Variants in CAGE1 observed in about 807,000 individuals in gnomAD.
CAGE1 encodes the protein cancer-associated gene 1 protein.
CAGE1 carries 66 observed loss-of-function variants against 94.9 expected under a neutral mutation model. The ratio of observed to expected loss-of-function variants is 0.70; its 90% CI spans 0.57 to 0.85. CAGE1 has a LOEUF of 0.85. Among genes scored for constraint, CAGE1 ranks in the 40% least tolerant of loss-of-function variants. The probability of loss-of-function intolerance (pLI) is 0.00; values close to 1 mark genes in which losing one functional copy is unlikely to be tolerated. For synonymous variants in CAGE1, 319 were observed against 321.0 expected (o/e 0.99, Z 0.07); for missense variants, 865 against 950.4 (o/e 0.91, Z 1.18).
chr6:7,335,981 G>A (rs1758940709), intron 11 of CAGE1, among the ~76,000 whole-genome samples: 1 of 152,132 alleles, frequency 6.6e-6, no homozygotes, highest in African/African-American at 2.4e-5. Flanking sequence ...AATATTATAT[G>A]GACAAAACAC....
Position 7,326,833 on chromosome 6 carries a change from A to G in CAGE1, c.*25T>C. Reference sequence around the variant, plus strand: ...CTTCCTGGAGTGGTTGACAAAAATGATTACTGTTTAATCTTCAGGCTTGTT... The same window carrying G: ...CTTCCTGGAGTGGTTGACAAAAATGGTTACTGTTTAATCTTCAGGCTTGTT... On this transcript the variant is annotated 3_prime_UTR_variant, in exon 14 of 14. Coordinates refer to ENST00000502583, the MANE Select transcript of CAGE1 (RefSeq NM_001170692.2). 1 of 1,518,664 alleles carries G rather than the reference A, an allele frequency of 6.6e-7. No individual in the cohort carries two copies. Among genetic ancestry groups the G allele is most frequent in the Non-Finnish European group, 9.1e-7 (1 of 1,093,602 alleles). The allele number at this position is 1,518,664 out of a possible 1,614,324, so 94.1% of individuals were successfully genotyped here. A position where few individuals can be genotyped will look rare whatever the true frequency, so the allele number is the denominator to read the frequency against.
rs748081537 is a variant in CAGE1, at chr6:7,385,875, G to A, written c.196-3C>T. ...CTTTCAAAATTCTTTATTTCGTTCT[G>A]TATTAATAAAAAAGGCATCAATACT... On this transcript the variant is annotated splice_polypyrimidine_tract_variant and splice_region_variant and intron_variant, in intron 2 of 13. Transcript: ENST00000502583. The A allele has an allele frequency of 8.0e-6, 12 of 1,495,496 alleles. No homozygotes were observed. In the South Asian group the frequency reaches 1.4e-4, roughly 18 times the overall value. The allele number at this position is 1,495,496 out of a possible 1,614,324, so 92.6% of individuals were successfully genotyped here. A position where few individuals can be genotyped will look rare whatever the true frequency, so the allele number is the denominator to read the frequency against.
intron 11 of CAGE1, among the ~76,000 whole-genome samples, chr6:7,346,016 A>G (rs1274325488): frequency 6.6e-6 from 1 of 152,176 alleles, no homozygotes; most frequent in Non-Finnish European, 1.5e-5. Context: ...ATAGACTAGC[A>G]CCAATTTAAA....
At chr6:7,340,929 C>A in intron 11 of CAGE1, 3 of 413,610 alleles carry the variant, frequency 7.3e-6, no homozygotes, top group East Asian at 6.0e-5. Context: ...GAGGTGGAAC[C>A]GGCCTGGCTC....
intron 11 of CAGE1, chr6:7,340,814 G>C (rs1288295289): frequency 5.0e-6 from 2 of 403,326 alleles, no homozygotes; most frequent in African/African-American, 4.2e-5. Context: ...CTCCCTCAAT[G>C]CATCTTCCAA....
chr6:7,375,387 C>T (rs184114265), intron 4 of CAGE1, among the ~76,000 whole-genome samples: 30 of 151,832 alleles, frequency 2.0e-4, no homozygotes, highest in Admixed American at 1.8e-3. Flanking sequence ...CCAGCCTGGG[C>T]GACAGAGCGA....
intron 12 of CAGE1, among the ~76,000 whole-genome samples, chr6:7,333,630 CTATCTAACTATCTATATATATATAT>C (rs1758834288): frequency 1.6e-5 from 1 of 64,488 alleles, no homozygotes; most frequent in African/African-American, 8.7e-5. Flanking sequence ...ATCTAACTAT[CTATCTAACTATCTATATATATATAT>C]ATATATATAT....
At chr6:7,350,694 A>T (rs1759739354) in intron 11 of CAGE1, among the ~76,000 whole-genome samples, 1 of 152,198 alleles carries the variant, frequency 6.6e-6, no homozygotes, top group Non-Finnish European at 1.5e-5. Flanking sequence ...AAGGAAATTT[A>T]AAAATCCTTT....
At chr6:7,358,024 TGA>T (rs1261184477) in intron 9 of CAGE1, among the ~76,000 whole-genome samples, 1 of 48,890 alleles carries the variant, frequency 2.0e-5, no homozygotes, top group Non-Finnish European at 3.8e-5. Flanking sequence ...AGGTAAGTTT[TGA>T]GATATATATA....
At chr6:7,342,776 T>C (rs1232423854) in intron 11 of CAGE1, among the ~76,000 whole-genome samples, 1 of 152,242 alleles carries the variant, frequency 6.6e-6, no homozygotes, top group African/African-American at 2.4e-5. Flanking sequence ...TTTTATGGTT[T>C]CAGGTCTTAG....
chr6:7,369,777 G>A, intron 6 of CAGE1, 142 bp downstream of exon 6: 1 of 703,318 alleles, frequency 1.4e-6, no homozygotes. Context: ...AGGGTTGGAT[G>A]GATGGCTTAG....
chr6:7,373,305 A>G lies in CAGE1; in HGVS notation c.1514T>C (p.Leu505Pro). 6.2e-7 allele frequency: 1 copy of G among 1,607,028 alleles called. No individual in the cohort carries two copies. Among genetic ancestry groups the G allele is most frequent in the Non-Finnish European group, 8.5e-7 (1 of 1,176,600 alleles). Residue 505 changes from leucine (L) to proline (P), a missense_variant, in exon 5 of 14, where the codon CTG becomes CCG. Leu to Pro is a moderately conservative substitution (Grantham distance 98). Transcript: ENST00000502583. ...EKENLEERQK[L>P]KSRLEKLLTQ... ...GAGCAATTTCTCAAGTCTAGATTTC[A>G]GTTTCTGTCTTTCTTCCAGGTTTTC...
At chr6:7,335,057 C>T (rs534475099) in intron 11 of CAGE1, among the ~76,000 whole-genome samples, 5 of 152,312 alleles carry the variant, frequency 3.3e-5, no homozygotes, top group African/African-American at 1.2e-4. Context: ...ACCTGGAGGC[C>T]GTCCTCATTC....
chr6:7,383,163 C>T (rs1240271898), intron 3 of CAGE1, among the ~76,000 whole-genome samples: 8 of 152,188 alleles, frequency 5.3e-5, no homozygotes, highest in Non-Finnish European at 1.0e-4. Context: ...TAAGACATGC[C>T]TTGCTTCCTG....
intron 4 of CAGE1, 136 bp downstream of exon 4, chr6:7,378,481 G>C (rs1760828924): frequency 5.1e-6 from 3 of 586,562 alleles, no homozygotes; most frequent in Admixed American, 6.5e-5. Context: ...TTTTTAAAAT[G>C]CATCCTTTAA....
chr6:7,356,954 G>A (rs904576239), intron 9 of CAGE1, among the ~76,000 whole-genome samples: 55 of 152,088 alleles, frequency 3.6e-4, no homozygotes, highest in African/African-American at 1.3e-3. Context: ...GCGCCACCAC[G>A]CCCAGCTAAT....
Position 7,339,222 on chromosome 6 carries a change from C to T in CAGE1, c.2370-5132G>A, listed in dbSNP as rs1166236140. 1.5e-5 allele frequency: 24 copies of T among 1,572,378 alleles called. No individual in the cohort carries two copies. The highest frequency in any genetic ancestry group is 5.0e-5 in the Admixed American group (3 of 59,948). ...CCGCGACACACCATAGCAGGCCCTCCGCACAGCAAGCCCTCCTAGGAGTTT... is the reference window on the plus strand; with the variant it reads ...CCGCGACACACCATAGCAGGCCCTCTGCACAGCAAGCCCTCCTAGGAGTTT... On this transcript the variant is annotated intron_variant, in intron 11 of 13. Coordinates refer to ENST00000502583, the MANE Select transcript of CAGE1 (RefSeq NM_001170692.2). This position sits in a 1 kb window ranked among gnomAD's most constrained non-coding sequence, Gnocchi z 4.7.
At chr6:7,334,720 T>C (rs1581656118) in intron 11 of CAGE1, among the ~76,000 whole-genome samples, 2 of 46,714 alleles carry the variant, frequency 4.3e-5, no homozygotes, top group African/African-American at 4.1e-4. Context: ...AGCTAGACTC[T>C]CTCTCAAAAA....
rs569921637 is a variant in CAGE1, at chr6:7,344,295, C to CG, written c.2370-10206dup. 2.1e-3 allele frequency among the ~76,000 whole-genome samples: 317 copies of CG among 152,302 alleles called. 2 individuals are homozygous for CG. Among genetic ancestry groups the CG allele is most frequent in the African/African-American group, 7.2e-3 (300 of 41,562 alleles). On this transcript the variant is annotated intron_variant, in intron 11 of 13. Transcript: ENST00000502583. Reference sequence around the variant, plus strand: ...GAGTTCCGGGTAGGCGTGGGCTTGGCGGGTCCCGCACTCGGAGCAGCCAGC... The same window carrying CG: ...GAGTTCCGGGTAGGCGTGGGCTTGGCGGGGTCCCGCACTCGGAGCAGCCAGC...
Sources: allele counts gnomAD v4.1 joint callset (sites outside exome capture counted in the v4.1 genomes callset), GRCh38; gene constraint gnomAD v4.1.1; non-coding constraint Gnocchi (gnomAD v3.1); transcripts MANE v1.5; gene names NCBI Gene and HGNC (gene_info 2026-07-23, HGNC 2026-07-21).